RBM6: variants seen among roughly 807,000 people sequenced by gnomAD.
The protein encoded by RBM6 is RNA-binding protein 6.
RBM6 carries 23 observed loss-of-function variants against 140.4 expected under a neutral mutation model. The observed-to-expected ratio is 0.16, with a 90% CI of 0.12 to 0.23. The LOEUF (loss-of-function observed/expected upper bound fraction) is 0.23, where lower values mean the gene tolerates loss of function less well. RBM6 is among the 10% of genes least tolerant of loss of function. The pLI, the probability that RBM6 is intolerant of heterozygous loss-of-function variation, is 1.00. For missense variants in RBM6, 1,139 were observed against 1,386.7 expected, an observed-to-expected ratio of 0.82 and a Z score of 2.84; for synonymous variants, 439 against 475.6, an observed-to-expected ratio of 0.92 and a Z score of 1.00.
At chr3:50,029,955 A>AAGAGGTCG (rs938798576) in intron 6 of RBM6, among the ~76,000 whole-genome samples, 2 of 150,980 alleles carry the variant, frequency 1.3e-5, no homozygotes, top group Non-Finnish European at 2.9e-5. Flanking sequence ...TCTTGAACCC[A>AAGAGGTCG]AGAGGTCGAG....
chr3:49,975,454 C>A, intron 5 of RBM6, 62 bp downstream of exon 5: 1 of 1,333,698 alleles, frequency 7.5e-7, no homozygotes, highest in Non-Finnish European at 1.1e-6. Context: ...ATCTCTGCAT[C>A]ATGTGCTACT....
rs75029068 is a variant in RBM6 at position 49,975,274 on chromosome 3, G to A, written c.1414-49G>A. 699 of 1,390,946 alleles carry A rather than the reference G, an allele frequency of 5.0e-4. 2 individuals carry two copies. Among genetic ancestry groups the A allele is most frequent in the Non-Finnish European group, 6.6e-4 (645 of 978,680 alleles). The allele number at this position is 1,390,946 out of a possible 1,614,324, so 86.2% of individuals were successfully genotyped here. On this transcript the variant is annotated intron_variant, in intron 4 of 20. Transcript: ENST00000266022. ...ACTGTTAGGGAAAATCTGATATTCAGTGTTTGATTATGATTTGTATCATTT... is the reference window on the plus strand; with the variant it reads ...ACTGTTAGGGAAAATCTGATATTCAATGTTTGATTATGATTTGTATCATTT...
intron 9 of RBM6, among the ~76,000 whole-genome samples, 196 bp from the exon 10 acceptor site, chr3:50,058,206 A>C (rs1379549495): frequency 6.6e-6 from 1 of 152,236 alleles, no homozygotes; most frequent in Non-Finnish European, 1.5e-5. Flanking sequence ...TGCTATATGA[A>C]TGCAGTAAGG....
intron 16 of RBM6, 64 bp from the exon 17 acceptor site, chr3:50,066,178 C>A (rs561660130): frequency 3.1e-5 from 47 of 1,495,476 alleles, no homozygotes; most frequent in South Asian, 2.7e-4. Flanking sequence ...ATCAGAATAT[C>A]AAAAAAAATG....
Position 50,048,289 on chromosome 3 carries a change from A to C in RBM6, c.1602A>C (p.Val534=). 6.2e-7 allele frequency: 1 copy of C among 1,613,274 alleles called. No individual in the cohort carries two copies. The highest frequency in any genetic ancestry group is 8.5e-7 in the Non-Finnish European group (1 of 1,179,680). ...IQDKEVTLEY[V]SSLDFWYCKR... ...ACAAAGAAGTTACCCTGGAGTATGTATCAAGCCTGGATTTTTGGTACTGCA... is the reference window on the plus strand; with the variant it reads ...ACAAAGAAGTTACCCTGGAGTATGTCTCAAGCCTGGATTTTTGGTACTGCA... Residue 534 remains valine (V), a synonymous_variant, in exon 7 of 21, where the codon GTA becomes GTC. Coordinates refer to ENST00000266022, the MANE Select transcript of RBM6 (RefSeq NM_005777.3).
chr3:49,945,194 T>TTTG (rs1481731934), intron 1 of RBM6, among the ~76,000 whole-genome samples: 1 of 151,152 alleles, frequency 6.6e-6, no homozygotes, highest in East Asian at 1.9e-4. Flanking sequence ...TTTTTTTTTT[T>TTTG]TTAGACAGGG....
intron 5 of RBM6, among the ~76,000 whole-genome samples, chr3:49,990,173 A>G (rs953386279): frequency 3.9e-5 from 6 of 152,210 alleles, no homozygotes; most frequent in African/African-American, 1.4e-4. Context: ...ATTTTGAGAA[A>G]TGGATCAAGT....
intron 6 of RBM6, among the ~76,000 whole-genome samples, chr3:50,016,344 A>T (rs1322578390): frequency 6.6e-6 from 1 of 152,136 alleles, no homozygotes; most frequent in Non-Finnish European, 1.5e-5. Context: ...CCATTCATTC[A>T]TTGATGGGCA....
intron 5 of RBM6, among the ~76,000 whole-genome samples, chr3:49,978,615 A>G (rs1195568420): frequency 6.6e-6 from 1 of 152,236 alleles, no homozygotes; most frequent in African/African-American, 2.4e-5. Context: ...TGTAGTTTAC[A>G]TAGATCATAT....
chr3:50,055,909 A>G (rs1240260804), intron 8 of RBM6, among the ~76,000 whole-genome samples: 2 of 152,248 alleles, frequency 1.3e-5, no homozygotes, highest in Non-Finnish European at 2.9e-5. Context: ...AGTCAGACAC[A>G]TGCATCCATA....
At chr3:50,003,577 G>C (rs1286441373) in intron 6 of RBM6, among the ~76,000 whole-genome samples, 1 of 152,208 alleles carries the variant, frequency 6.6e-6, no homozygotes, top group Non-Finnish European at 1.5e-5. Context: ...GGAATTTTCT[G>C]CTAGCTTGCT....
At chr3:49,979,073 A>T (rs1474047878) in intron 5 of RBM6, among the ~76,000 whole-genome samples, 1 of 152,150 alleles carries the variant, frequency 6.6e-6, no homozygotes, top group Non-Finnish European at 1.5e-5. Flanking sequence ...AAGAAACTAG[A>T]CTCATAAGGA....
Position 49,968,145 on chromosome 3 carries a change from A to C in RBM6, c.720A>C (p.Ser240=). ...AAGTAGACTTTAGAGGCCGAGGTTC[A>C]GGTACTACTGATCTAGACTTTAGGG... The part of the protein sequence containing the change: ...GTQVDFRGRG[S]GTTDLDFRDR... Residue 240 remains serine (S), a synonymous_variant, in exon 3 of 21, where the codon TCA becomes TCC. Transcript: ENST00000266022. The C allele has an allele frequency of 6.2e-7, 1 of 1,614,212 alleles. No homozygotes were observed. The highest frequency in any genetic ancestry group is 1.1e-5 in the South Asian group (1 of 91,086).
intron 1 of RBM6, among the ~76,000 whole-genome samples, chr3:49,958,221 C>T (rs536939200): frequency 2.2e-4 from 33 of 150,148 alleles, no homozygotes; most frequent in African/African-American, 7.1e-4. Context: ...GTCAGGAGAT[C>T]GAGACCATCC....
intron 1 of RBM6, among the ~76,000 whole-genome samples, chr3:49,942,204 A>G (rs543744908): frequency 6.6e-6 from 1 of 152,246 alleles, no homozygotes; most frequent in South Asian, 2.1e-4. Flanking sequence ...TAAGTATACA[A>G]TTCAGCCAGG....
intron 3 of RBM6, among the ~76,000 whole-genome samples, chr3:49,970,419 T>G (rs1221588708): frequency 6.6e-6 from 1 of 152,192 alleles, no homozygotes; most frequent in African/African-American, 2.4e-5. Flanking sequence ...TTTATGATGC[T>G]GATTTACATG....
Position 50,077,164 on chromosome 3 carries a change from T to C in RBM6, c.*31T>C. On this transcript the variant is annotated 3_prime_UTR_variant, in exon 21 of 21. Coordinates refer to ENST00000266022, the MANE Select transcript of RBM6 (RefSeq NM_005777.3). ...GAGACAAGTTCCATGGGATACAACC[T>C]CCCTCTTGTTTTGTTTGTCTCTCCT... 6.3e-7 allele frequency: 1 copy of C among 1,583,480 alleles called. No homozygotes were observed. The highest frequency in any genetic ancestry group is 2.3e-5 in the East Asian group (1 of 43,130).
At position 50,036,821 on chromosome 3, in the gene RBM6, C is replaced by T. The variant is rs184881957; in HGVS notation, c.1558-11424C>T. 7.2e-5 allele frequency among the ~76,000 whole-genome samples: 11 copies of T among 152,108 alleles called. No individual in the cohort carries two copies. The South Asian group carries it at 1.0e-3, about 14-fold the overall frequency. The stretch of plus-strand genomic sequence containing the variant: ...TTTGGAGATGGGAGTCTTGCTCTGT[C>T]GCGAGGCTAGAGTGCAGTGGCGCGA... On this transcript the variant is annotated intron_variant, in intron 6 of 20. Transcript: ENST00000266022.
chr3:49,942,476 G>A (rs2083328190), intron 1 of RBM6, among the ~76,000 whole-genome samples: 2 of 142,710 alleles, frequency 1.4e-5, no homozygotes, highest in South Asian at 2.2e-4. Context: ...GCAACAGAGC[G>A]AGACTCCGAG....
Sources: gnomAD v4.1 joint callset for allele counts (sites outside exome capture counted in the v4.1 genomes callset) on GRCh38, gnomAD v4.1.1 for gene constraint, MANE v1.5 for transcripts, NCBI Gene and HGNC (gene_info 2026-07-23, HGNC 2026-07-21) for gene names.